Variants in CFDP1 observed in about 807,000 individuals in gnomAD.
CFDP1 encodes heterochromatin-stabilizing protein CFDP1.
Under a neutral mutation model 40.1 loss-of-function variants are expected in CFDP1, and 31 were observed. That is an observed-to-expected ratio of 0.77 (90% CI 0.58 to 1.04). The LOEUF (loss-of-function observed/expected upper bound fraction) is 1.04, where lower values mean the gene tolerates loss of function less well. Among genes scored for constraint, CFDP1 ranks in the 50% least tolerant of loss-of-function variants. CFDP1 has a pLI of 0.00. For missense variants in CFDP1, 423 were observed against 343.4 expected, an observed-to-expected ratio of 1.23 and a Z score of -1.83; for synonymous variants, 167 against 120.0, an observed-to-expected ratio of 1.39 and a Z score of -2.56.
intron 5 of CFDP1, among the ~76,000 whole-genome samples, chr16:75,385,987 A>C (rs1424688071): frequency 6.6e-6 from 1 of 152,192 alleles, no homozygotes; most frequent in East Asian, 1.9e-4. Flanking sequence ...CATTTTTCAC[A>C]CCAGGACAAT....
At chr16:75,361,443 C>A (rs1245301745) in intron 5 of CFDP1, among the ~76,000 whole-genome samples, 1 of 152,010 alleles carries the variant, frequency 6.6e-6, no homozygotes, top group Non-Finnish European at 1.5e-5. Context: ...ATAGTGAATC[C>A]CCACGTACAC....
At chr16:75,432,957 C>A (rs2079441688) in intron 1 of CFDP1, among the ~76,000 whole-genome samples, 1 of 152,364 alleles carries the variant, frequency 6.6e-6, no homozygotes, top group African/African-American at 2.4e-5. Context: ...AAGGCTCGGA[C>A]TGCCGCCCCG....
chr16:75,398,701 G>C (rs886790986), intron 4 of CFDP1, among the ~76,000 whole-genome samples: 2 of 152,184 alleles, frequency 1.3e-5, no homozygotes, highest in African/African-American at 2.4e-5. Flanking sequence ...CGTCTGAGAA[G>C]CCTGTACCAA....
intron 5 of CFDP1, among the ~76,000 whole-genome samples, chr16:75,323,902 G>C (rs2078384568): frequency 6.6e-6 from 1 of 152,200 alleles, no homozygotes; most frequent in South Asian, 2.1e-4. Context: ...CACACGAGTG[G>C]TGTGTGACTG....
chr16:75,393,773 A>T (rs12149479), intron 5 of CFDP1, among the ~76,000 whole-genome samples: 46,009 of 92,480 alleles, frequency 0.5, 14,832 homozygotes, highest in Admixed American at 0.65. Context: ...AAAAAAAAAA[A>T]GTGGGGCCGG....
At chr16:75,409,053 T>A (rs917510551) in intron 4 of CFDP1, among the ~76,000 whole-genome samples, 1 of 151,662 alleles carries the variant, frequency 6.6e-6, no homozygotes, top group Non-Finnish European at 1.5e-5. Flanking sequence ...GAGACGGGGT[T>A]TCATCATGTT....
chr16:75,359,353 TCCAACAGGAAAAGAAAG>T (rs2078666860), intron 5 of CFDP1, among the ~76,000 whole-genome samples: 1 of 152,124 alleles, frequency 6.6e-6, no homozygotes, highest in African/African-American at 2.4e-5. Flanking sequence ...GAGCCTCTTT[TCCAACAGGAAAAGAAAG>T]CCAGATTCTT....
chr16:75,310,066 C>A (rs1227584492), intron 5 of CFDP1, among the ~76,000 whole-genome samples: 1 of 152,184 alleles, frequency 6.6e-6, no homozygotes, highest in Non-Finnish European at 1.5e-5. Flanking sequence ...TACGCTGAGG[C>A]ATTCTGGAAT....
intron 5 of CFDP1, among the ~76,000 whole-genome samples, chr16:75,384,992 G>T (rs1485229428): frequency 6.7e-6 from 1 of 149,366 alleles, no homozygotes. Flanking sequence ...TGTATATATT[G>T]TTTTCCCTGA....
chr16:75,361,160 C>T (rs1214260783), intron 5 of CFDP1, among the ~76,000 whole-genome samples: 1 of 152,092 alleles, frequency 6.6e-6, no homozygotes, highest in African/African-American at 2.4e-5. Flanking sequence ...CAGGCACGCA[C>T]CACCACACTC....
At position 75,388,118 on chromosome 16, in the gene CFDP1, G is replaced by A. The variant is rs144096313; in HGVS notation, c.650+6972C>T. ...TAGATTTGGGCTGGAATCCGAGTTC[G>A]ACCAATCATCAACTATGTAACTTCA... On this transcript the variant is annotated intron_variant, in intron 5 of 6. Transcript: ENST00000283882. Among the ~76,000 whole-genome samples the A allele has an allele frequency of 9.2e-3, 1,397 of 152,312 alleles. 17 individuals are homozygous for A. The highest frequency in any genetic ancestry group is 0.045 in the Middle Eastern group (13 of 292).
intron 1 of CFDP1, among the ~76,000 whole-genome samples, chr16:75,421,556 T>C (rs1367331644): frequency 6.6e-6 from 1 of 152,124 alleles, no homozygotes; most frequent in African/African-American, 2.4e-5. Context: ...CAATAACCTT[T>C]CTAGTGCCCC....
At chr16:75,314,445 T>C (rs1470956842) in intron 5 of CFDP1, among the ~76,000 whole-genome samples, 1 of 151,996 alleles carries the variant, frequency 6.6e-6, no homozygotes, top group Admixed American at 6.6e-5. Flanking sequence ...GAAAGTAGAT[T>C]AAGGGTTGCC....
At chr16:75,395,438 A>C (rs1357804485) in intron 4 of CFDP1, among the ~76,000 whole-genome samples, 2 of 152,142 alleles carry the variant, frequency 1.3e-5, no homozygotes, top group Non-Finnish European at 1.5e-5. Context: ...AGGCAGGCGG[A>C]TCACAAGGTC....
intron 5 of CFDP1, among the ~76,000 whole-genome samples, chr16:75,333,653 C>T (rs2078464272): frequency 6.6e-6 from 1 of 152,098 alleles, no homozygotes; most frequent in Non-Finnish European, 1.5e-5. Context: ...GATGGATGCC[C>T]CTTTCAGATA....
intron 5 of CFDP1, among the ~76,000 whole-genome samples, chr16:75,393,393 G>A (rs1483770129): frequency 1.3e-5 from 2 of 152,088 alleles, no homozygotes; most frequent in Non-Finnish European, 2.9e-5. Context: ...GAGTATACTA[G>A]TATAACTCTG....
intron 6 of CFDP1, among the ~76,000 whole-genome samples, chr16:75,300,006 C>T (rs561436389): frequency 1.3e-5 from 2 of 151,996 alleles, no homozygotes; most frequent in Admixed American, 6.5e-5. Flanking sequence ...GGGGACAGCT[C>T]GGGGAGGGCC....
intron 5 of CFDP1, among the ~76,000 whole-genome samples, chr16:75,323,818 A>G (rs1464190923): frequency 6.6e-6 from 1 of 152,106 alleles, no homozygotes; most frequent in East Asian, 1.9e-4. Context: ...TACATAAAAC[A>G]GTAACATAGC....
chr16:75,361,373 C>G (rs531289844), intron 5 of CFDP1, among the ~76,000 whole-genome samples: 85 of 152,196 alleles, frequency 5.6e-4, no homozygotes, highest in African/African-American at 9.9e-4. Flanking sequence ...TCCCAGCACT[C>G]TGGGAGGCCG....
Sources: allele counts gnomAD v4.1 joint callset (sites outside exome capture counted in the v4.1 genomes callset), GRCh38; gene constraint gnomAD v4.1.1; transcripts MANE v1.5; gene names NCBI Gene and HGNC (gene_info 2026-07-23, HGNC 2026-07-21).